The following PKIB variants were observed in gnomAD, a reference collection of about 807,000 sequenced individuals.
PKIB encodes the protein cAMP-dependent protein kinase inhibitor beta.
In PKIB, 2 loss-of-function variants were observed where a neutral mutation model predicts 4.5. The ratio of observed to expected loss-of-function variants is 0.44; its 90% CI spans 0.18 to 1.39. The LOEUF is 1.39. Among genes scored for constraint, PKIB ranks in the 40% most tolerant of loss-of-function variants. The pLI, the probability that PKIB is intolerant of heterozygous loss-of-function variation, is 0.27. For synonymous variants in PKIB, 38 were observed against 36.0 expected, an observed-to-expected ratio of 1.06 and a Z score of -0.20; for missense variants, 94 against 92.6, an observed-to-expected ratio of 1.02 and a Z score of -0.06.
At chr6:122,603,004 C>A (rs1029482123) in intron 3 of PKIB, among the ~76,000 whole-genome samples, 2 of 150,536 alleles carry the variant, frequency 1.3e-5, no homozygotes, top group Admixed American at 6.6e-5. Flanking sequence ...ATTTTAGGTT[C>A]CTAAGCAAAT....
At chr6:122,510,690 G>A (rs1339863557) in intron 2 of PKIB, among the ~76,000 whole-genome samples, 1 of 152,146 alleles carries the variant, frequency 6.6e-6, no homozygotes, top group African/African-American at 2.4e-5. Flanking sequence ...GAAAGTGGGT[G>A]AAATATATCC....
At chr6:122,686,136 A>G (rs1778083118) in intron 3 of PKIB, among the ~76,000 whole-genome samples, 1 of 152,160 alleles carries the variant, frequency 6.6e-6, no homozygotes, top group African/African-American at 2.4e-5. Flanking sequence ...GACCTCTTTG[A>G]TATATTGATT....
chr6:122,521,507 T>C (rs1282657153), intron 2 of PKIB, among the ~76,000 whole-genome samples: 1 of 151,870 alleles, frequency 6.6e-6, no homozygotes, highest in Non-Finnish European at 1.5e-5. Context: ...GGTGAAACGC[T>C]GTCTTTACTA....
chr6:122,480,269 C>G (rs1286723911), intron 2 of PKIB: 5 of 152,130 alleles, frequency 3.3e-5, no homozygotes, highest in Admixed American at 2.6e-4. Flanking sequence ...GTCTTGATCT[C>G]CTGACCTCAT....
chr6:122,556,170 T>G (rs1417572687), intron 2 of PKIB, among the ~76,000 whole-genome samples: 2 of 152,172 alleles, frequency 1.3e-5, no homozygotes, highest in Non-Finnish European at 2.9e-5. Context: ...TATAAAGGGC[T>G]TTTCCTGCCT....
chr6:122,717,618 T>C, intron 3 of PKIB, 169 bp from the exon 4 acceptor site: 1 of 661,780 alleles, frequency 1.5e-6, no homozygotes, highest in Non-Finnish European at 2.5e-6. Flanking sequence ...TCAGCAAATG[T>C]GCAAATGGAT....
rs112637556 is a variant in PKIB at position 122,506,768 on chromosome 6, C to T, written c.-248+28829C>T. The stretch of plus-strand genomic sequence containing the variant: ...AGGCGGGAGTGCAGTGGCGCAATCT[C>T]GGCTCACTGCAAGCTCCGCCTCCCG... On this transcript the variant is annotated intron_variant, in intron 2 of 6. Transcript: ENST00000392491. Among the ~76,000 whole-genome samples the T allele has an allele frequency of 1.5e-3, 212 of 143,590 alleles. 1 individual carries two copies. Among genetic ancestry groups the T allele is most frequent in the African/African-American group, 5.1e-3 (199 of 38,852 alleles). 94.2% of individuals were successfully genotyped at this position (143,590 alleles called of 152,430 possible). A position where few individuals can be genotyped will look rare whatever the true frequency, so the allele number is the denominator to read the frequency against.
At chr6:122,640,008 T>G (rs771454234) in intron 2 of PKIB, among the ~76,000 whole-genome samples, 1 of 152,172 alleles carries the variant, frequency 6.6e-6, no homozygotes, top group African/African-American at 2.4e-5. Context: ...CACTTACTCT[T>G]AGGCTTTGAC....
intron 2 of PKIB, among the ~76,000 whole-genome samples, chr6:122,550,402 ATG>A (rs1435903907): frequency 6.6e-6 from 1 of 152,218 alleles, no homozygotes; most frequent in Admixed American, 6.5e-5. Flanking sequence ...TATTATGAAT[ATG>A]TGAGTAATAT....
intron 2 of PKIB, among the ~76,000 whole-genome samples, chr6:122,663,731 A>C (rs1168589738): frequency 6.6e-6 from 1 of 151,954 alleles, no homozygotes; most frequent in East Asian, 1.9e-4. Context: ...GGACTGCCCT[A>C]CTCCAGTGTG....
chr6:122,519,206 A>G (rs1013464569), intron 2 of PKIB, among the ~76,000 whole-genome samples: 1 of 151,956 alleles, frequency 6.6e-6, no homozygotes, highest in African/African-American at 2.4e-5. Context: ...AACATTGTGA[A>G]CTGTGCATGT....
Position 122,527,959 on chromosome 6 carries a change from A to G in PKIB, c.-248+50020A>G, listed in dbSNP as rs28827278. Among the ~76,000 whole-genome samples the G allele has an allele frequency of 9.1e-3, 1,382 of 152,232 alleles. 26 individuals carry two copies. The highest frequency in any genetic ancestry group is 0.032 in the African/African-American group (1,316 of 41,552). On this transcript the variant is annotated intron_variant, in intron 2 of 6. Coordinates refer to the PKIB transcript ENST00000392491. ...ATTCTGTCTGGTTATTCTATTCACT[A>G]TTGAAAGTATTGAAGTCTCCTACTA...
chr6:122,593,698 T>C (rs897449487), intron 3 of PKIB, among the ~76,000 whole-genome samples: 1 of 152,038 alleles, frequency 6.6e-6, no homozygotes, highest in African/African-American at 2.4e-5. Flanking sequence ...GTAAAAGCCT[T>C]ACTTAATTTT....
rs116118649 is a variant in PKIB at position 122,592,989 on chromosome 6, G to T, written c.-161+6982G>T. Among the ~76,000 whole-genome samples, 353 of 152,218 alleles carry T rather than the reference G, an allele frequency of 2.3e-3. 2 individuals are homozygous for T. The highest frequency in any genetic ancestry group is 8.1e-3 in the African/African-American group (337 of 41,530). Reference sequence around the variant, plus strand: ...GGGGTCAAGTAACGTTAACATTTTTGATATTAAATTTACAAATGTTTAGAG... The same window carrying T: ...GGGGTCAAGTAACGTTAACATTTTTTATATTAAATTTACAAATGTTTAGAG... On this transcript the variant is annotated intron_variant, in intron 3 of 6. Transcript: ENST00000392491.
chr6:122,600,910 T>C (rs532942771), intron 3 of PKIB, among the ~76,000 whole-genome samples: 1 of 152,250 alleles, frequency 6.6e-6, no homozygotes, highest in East Asian at 1.9e-4. Context: ...ATGAAAGTTA[T>C]AGTAACTATA....
chr6:122,714,883 C>T (rs898989089), intron 3 of PKIB, among the ~76,000 whole-genome samples: 10 of 152,220 alleles, frequency 6.6e-5, no homozygotes, highest in African/African-American at 9.6e-5. Context: ...TGGGTTCAAA[C>T]GATTGATTCT....
At chr6:122,514,348 C>T (rs1047789582) in intron 2 of PKIB, among the ~76,000 whole-genome samples, 1 of 152,198 alleles carries the variant, frequency 6.6e-6, no homozygotes, top group Non-Finnish European at 1.5e-5. Context: ...TAGTAGTACA[C>T]ACAGGTTCCT....
intron 3 of PKIB, among the ~76,000 whole-genome samples, chr6:122,689,006 C>T (rs1778215082): frequency 1.3e-5 from 2 of 152,112 alleles, no homozygotes; most frequent in East Asian, 1.9e-4. Context: ...TGGTCTTGAT[C>T]TCCTGACCTC....
At chr6:122,708,580 A>G (rs1008719766) in intron 3 of PKIB, among the ~76,000 whole-genome samples, 1 of 152,128 alleles carries the variant, frequency 6.6e-6, no homozygotes, top group Non-Finnish European at 1.5e-5. Context: ...GCAGATTGTA[A>G]ATGATTTTTT....
Sources: gnomAD v4.1 joint callset for allele counts (sites outside exome capture counted in the v4.1 genomes callset) on GRCh38, gnomAD v4.1.1 for gene constraint, MANE v1.5 for transcripts, NCBI Gene and HGNC (gene_info 2026-07-23, HGNC 2026-07-21) for gene names.